Variants in DCLK1 observed in about 807,000 individuals in gnomAD.
The protein encoded by DCLK1 is doublecortin like kinase 1, also known as serine/threonine-protein kinase DCLK1.
DCLK1 carries 16 observed loss-of-function variants against 86.2 expected under a neutral mutation model. The ratio of observed to expected loss-of-function variants is 0.19; its 90% CI spans 0.13 to 0.28. The LOEUF (loss-of-function observed/expected upper bound fraction) is 0.28. Ranked by LOEUF, DCLK1 falls within the 10% of genes least tolerant of loss-of-function variation. DCLK1 has a pLI of 1.00. For missense variants in DCLK1, 590 were observed against 940.2 expected (o/e 0.63, Z 4.87); for synonymous variants, 369 against 370.5 (o/e 1.00, Z 0.05).
rs557939165 is a variant in DCLK1 at position 35,915,875 on chromosome 13, T to A, written c.823+31483A>T. The stretch of plus-strand genomic sequence containing the variant: ...CTAACCTGTGTAGGCTGCCACCAAA[T>A]AAAAAGTGAGGCAGCTTTCTTTCAA... On this transcript the variant is annotated intron_variant, in intron 4 of 16. Transcript: ENST00000360631. Among the ~76,000 whole-genome samples the A allele has an allele frequency of 2.1e-3, 314 of 152,276 alleles. 1 individual carries two copies. Among genetic ancestry groups the A allele is most frequent in the Non-Finnish European group, 2.7e-3 (182 of 68,020 alleles).
At chr13:35,864,713 T>A (rs1871665162) in intron 5 of DCLK1, among the ~76,000 whole-genome samples, 1 of 148,744 alleles carries the variant, frequency 6.7e-6, no homozygotes, top group African/African-American at 2.5e-5. Context: ...AGTGCAGTGG[T>A]GTGATCATGG....
At chr13:36,022,534 GA>G (rs1486939772) in intron 3 of DCLK1, among the ~76,000 whole-genome samples, 1 of 151,530 alleles carries the variant, frequency 6.6e-6, no homozygotes, top group African/African-American at 2.4e-5. Flanking sequence ...AACTTATTGA[GA>G]AAAAAAGAGA....
chr13:35,924,392 G>A (rs1806880787), intron 4 of DCLK1, among the ~76,000 whole-genome samples: 1 of 152,214 alleles, frequency 6.6e-6, no homozygotes, highest in South Asian at 2.1e-4. Context: ...GATCATGCCT[G>A]TAATCCCAGC....
intron 6 of DCLK1, chr13:35,848,344 T>C: frequency 5.1e-6 from 5 of 985,096 alleles, no homozygotes; most frequent in Non-Finnish European, 6.0e-6. Context: ...TTTAGTTTAA[T>C]AGAATTATGT....
In DCLK1 at chr13:36,037,958, T is replaced by G. The variant is rs113067245; in HGVS notation, c.723+73911A>C. On this transcript the variant is annotated intron_variant, in intron 3 of 16. Coordinates refer to ENST00000360631, the MANE Select transcript of DCLK1 (RefSeq NM_001330071.2). ...GGCTTATAATGTGTCAGAGACACAT[T>G]AAGACTTTTAAGATACAGCTCACTG... Among the ~76,000 whole-genome samples, 3 of 152,146 alleles carry G rather than the reference T, an allele frequency of 2.0e-5. No homozygotes were observed. The East Asian group carries it at 5.8e-4, about 29-fold the overall frequency.
chr13:36,031,780 G>A (rs1046480751), intron 3 of DCLK1, among the ~76,000 whole-genome samples: 9 of 152,322 alleles, frequency 5.9e-5, no homozygotes, highest in South Asian at 4.1e-4. Flanking sequence ...TTGTTGAAAC[G>A]CGTGGCTGTC....
intron 3 of DCLK1, among the ~76,000 whole-genome samples, chr13:35,965,530 G>A (rs1322507901): frequency 6.6e-6 from 1 of 152,136 alleles, no homozygotes; most frequent in African/African-American, 2.4e-5. Context: ...CTTTTTTAAG[G>A]ATCTCAGTTT....
At chr13:35,862,613 G>A (rs1871485831) in intron 5 of DCLK1, among the ~76,000 whole-genome samples, 2 of 152,034 alleles carry the variant, frequency 1.3e-5, no homozygotes, top group African/African-American at 2.4e-5. Context: ...ATACTTCCAC[G>A]ACCCTGTGCA....
chr13:35,827,133 G>A (rs528400492), intron 10 of DCLK1, among the ~76,000 whole-genome samples: 4 of 152,286 alleles, frequency 2.6e-5, no homozygotes, highest in South Asian at 2.1e-4. Flanking sequence ...ATGAGATTAC[G>A]ACATTCACTG....
chr13:35,835,786 G>C (rs1256412708), intron 8 of DCLK1, among the ~76,000 whole-genome samples: 3 of 152,120 alleles, frequency 2.0e-5, no homozygotes, highest in African/African-American at 7.2e-5. Context: ...TGAAAGAGCT[G>C]GCAACGTCTC....
At chr13:35,821,657 T>C (rs962760253) in intron 11 of DCLK1, among the ~76,000 whole-genome samples, 11 of 112,978 alleles carry the variant, frequency 9.7e-5, no homozygotes, top group Admixed American at 2.7e-4. Context: ...GGAAAAGATA[T>C]ATATATAAAT....
chr13:36,115,279 CTT>C (rs1361316683), intron 2 of DCLK1, among the ~76,000 whole-genome samples: 1 of 152,126 alleles, frequency 6.6e-6, no homozygotes, highest in Non-Finnish European at 1.5e-5. Flanking sequence ...ACCCCGAAGT[CTT>C]TTGGTATAAC....
chr13:36,065,741 T>C (rs370939111), intron 3 of DCLK1, among the ~76,000 whole-genome samples: 5 of 152,312 alleles, frequency 3.3e-5, no homozygotes, highest in African/African-American at 1.2e-4. Flanking sequence ...TCTGGCTAAT[T>C]TGGCACATTG....
intron 3 of DCLK1, among the ~76,000 whole-genome samples, chr13:35,957,238 C>T (rs538385840): frequency 1.3e-5 from 2 of 152,250 alleles, no homozygotes; most frequent in Admixed American, 6.5e-5. Context: ...AAAAGTCAGG[C>T]TTCAAACCCA....
chr13:35,962,247 G>A (rs1015172736), intron 3 of DCLK1, among the ~76,000 whole-genome samples: 27 of 152,186 alleles, frequency 1.8e-4, no homozygotes, highest in African/African-American at 6.3e-4. Flanking sequence ...CATTGCAGAT[G>A]TAATTAGTTA....
chr13:35,803,886 G>A (rs932180109), intron 15 of DCLK1, among the ~76,000 whole-genome samples: 7 of 152,030 alleles, frequency 4.6e-5, no homozygotes, highest in Admixed American at 6.6e-5. Context: ...CTATGACCAC[G>A]TCCATATATA....
At chr13:36,088,956 G>C (rs1884715196) in intron 3 of DCLK1, among the ~76,000 whole-genome samples, 1 of 152,000 alleles carries the variant, frequency 6.6e-6, no homozygotes. Context: ...AAACTTTTCT[G>C]AATACTTTTT....
Position 36,100,201 on chromosome 13 carries a change from AAAAAAAAAAAAAC to A in DCLK1, c.723+11655_723+11667del, listed in dbSNP as rs1316791037. On this transcript the variant is annotated intron_variant, in intron 3 of 16. Coordinates refer to ENST00000360631, the MANE Select transcript of DCLK1 (RefSeq NM_001330071.2). ...CTACAAAAAAAAAAAAAAAAAAAAA[AAAAAAAAAAAAAC>A]CACACACACACAAAATTAGCCAGGC... 6.1e-3 allele frequency among the ~76,000 whole-genome samples: 796 copies of A among 131,232 alleles called. 12 individuals carry two copies. The highest frequency in any genetic ancestry group is 0.016 in the East Asian group (57 of 3,570). The allele number at this position is 131,232 out of a possible 152,430, so 86.1% of individuals were successfully genotyped here.
At chr13:35,869,096 G>A (rs1427259618) in intron 5 of DCLK1, 1 of 508,872 alleles carries the variant, frequency 2.0e-6, no homozygotes, top group African/African-American at 1.9e-5. Context: ...CGGGCCTATA[G>A]CCCAGATTTA....
Sources: allele counts gnomAD v4.1 joint callset (sites outside exome capture counted in the v4.1 genomes callset), GRCh38; gene constraint gnomAD v4.1.1; transcripts MANE v1.5; gene names NCBI Gene and HGNC (gene_info 2026-07-23, HGNC 2026-07-21).